RBFOX1: variants seen among roughly 807,000 people sequenced by gnomAD.
The protein encoded by RBFOX1 is RNA binding protein fox-1 homolog 1.
Under a neutral mutation model 57.7 loss-of-function variants are expected in RBFOX1, and 8 were observed. The observed-to-expected ratio is 0.14, with a 90% CI of 0.08 to 0.25. RBFOX1 has a LOEUF of 0.25. Among genes scored for constraint, RBFOX1 ranks in the 10% least tolerant of loss-of-function variants. RBFOX1 has a pLI of 1.00. For missense variants in RBFOX1, 611 were observed against 548.5 expected, an observed-to-expected ratio of 1.11 and a Z score of -1.14; for synonymous variants, 326 against 222.4, an observed-to-expected ratio of 1.47 and a Z score of -4.15.
intron 1 of RBFOX1, among the ~76,000 whole-genome samples, chr16:5,445,463 T>C (rs1567520988): frequency 6.6e-6 from 1 of 152,312 alleles, no homozygotes; most frequent in Non-Finnish European, 1.5e-5. Flanking sequence ...GTGCAATATA[T>C]AGTAGGTGAT....
intron 1 of RBFOX1, among the ~76,000 whole-genome samples, chr16:6,059,970 C>G (rs931862558): frequency 6.6e-6 from 1 of 152,072 alleles, no homozygotes; most frequent in Non-Finnish European, 1.5e-5. Flanking sequence ...GACATTCTGG[C>G]TCAGGAAGTG....
chr16:6,605,614 C>G (rs900063133), intron 2 of RBFOX1, among the ~76,000 whole-genome samples: 1 of 152,190 alleles, frequency 6.6e-6, no homozygotes, highest in East Asian at 1.9e-4. Context: ...GTAGTGACTT[C>G]AAGTACAGAG....
At chr16:6,333,480 C>T (rs1008132215) in intron 2 of RBFOX1, among the ~76,000 whole-genome samples, 2 of 152,240 alleles carry the variant, frequency 1.3e-5, no homozygotes, top group African/African-American at 4.8e-5. Context: ...TTTCAAATCT[C>T]CCTTTGTCAT....
At chr16:7,269,450 G>T (rs115021059) in intron 4 of RBFOX1, among the ~76,000 whole-genome samples, 2,220 of 152,214 alleles carry the variant, frequency 0.015, 49 homozygotes, top group African/African-American at 0.051. Context: ...GTGTGTGTAT[G>T]TGTGTTTGTG....
At chr16:7,467,803 C>G (rs1156429915) in intron 4 of RBFOX1, among the ~76,000 whole-genome samples, 1 of 152,206 alleles carries the variant, frequency 6.6e-6, no homozygotes, top group East Asian at 1.9e-4. Context: ...TTTGCCCTGC[C>G]TGACTTCAGT....
intron 2 of RBFOX1, among the ~76,000 whole-genome samples, chr16:6,526,978 AC>A (rs1217386059): frequency 6.6e-6 from 1 of 152,066 alleles, no homozygotes; most frequent in African/African-American, 2.4e-5. Context: ...CTGTGCATTC[AC>A]AGAAGAGAAA....
chr16:7,221,467 G>T (rs2092726852), intron 4 of RBFOX1, among the ~76,000 whole-genome samples: 1 of 151,876 alleles, frequency 6.6e-6, no homozygotes, highest in Non-Finnish European at 1.5e-5. Context: ...CCCAGGTTCA[G>T]GCGATTCTCC....
At chr16:6,124,303 G>T (rs1388631410) in intron 1 of RBFOX1, among the ~76,000 whole-genome samples, 1 of 152,166 alleles carries the variant, frequency 6.6e-6, no homozygotes, top group Non-Finnish European at 1.5e-5. Context: ...CCCTACAGAA[G>T]CTTGCAGTTA....
chr16:6,487,689 AAAAAAAAAAAAATATATATATATAT>A (rs2095523860), intron 2 of RBFOX1, among the ~76,000 whole-genome samples: 5 of 11,678 alleles, frequency 4.3e-4, no homozygotes, highest in African/African-American at 7.9e-4. Context: ...AAAAAAAAAA[AAAAAAAAAAAAATATATATATATAT>A]ATATATATAT....
chr16:7,525,547 G>C (rs992858731), intron 5 of RBFOX1, among the ~76,000 whole-genome samples: 2 of 152,152 alleles, frequency 1.3e-5, no homozygotes, highest in African/African-American at 4.8e-5. Context: ...CAGAACCTAA[G>C]AAGGCCTGAC....
intron 4 of RBFOX1, among the ~76,000 whole-genome samples, chr16:7,249,651 C>T (rs1471744572): frequency 2.0e-5 from 3 of 150,036 alleles, no homozygotes; most frequent in Non-Finnish European, 4.4e-5. Context: ...AGAATAAAAT[C>T]ATTGAATGGG....
chr16:6,345,169 T>C (rs1320558114), intron 2 of RBFOX1, among the ~76,000 whole-genome samples: 3 of 152,208 alleles, frequency 2.0e-5, no homozygotes, highest in Admixed American at 6.5e-5. Context: ...TGCTGCAGAG[T>C]AGATGAATCC....
intron 3 of RBFOX1, among the ~76,000 whole-genome samples, chr16:6,963,770 C>G (rs1252529340): frequency 6.6e-6 from 1 of 152,000 alleles, no homozygotes; most frequent in African/African-American, 2.4e-5. Flanking sequence ...GCGATCTCGG[C>G]TCACTGCAAG....
intron 3 of RBFOX1, among the ~76,000 whole-genome samples, chr16:5,828,993 G>A (rs534877415): frequency 6.6e-6 from 1 of 152,334 alleles, no homozygotes; most frequent in South Asian, 2.1e-4. Context: ...TGCAGTTGAA[G>A]TGTATTGCTA....
At chr16:5,418,651 C>T (rs987532957) in intron 1 of RBFOX1, among the ~76,000 whole-genome samples, 2 of 152,100 alleles carry the variant, frequency 1.3e-5, no homozygotes, top group African/African-American at 2.4e-5. Context: ...CCCTTGTCCT[C>T]GCTCCTCTCT....
At chr16:7,550,582 TAACA>T (rs1397742205) in intron 5 of RBFOX1, among the ~76,000 whole-genome samples, 1 of 152,150 alleles carries the variant, frequency 6.6e-6, no homozygotes, top group Non-Finnish European at 1.5e-5. Context: ...CTTTTCATAT[TAACA>T]AACAGTGCTC....
At chr16:7,264,396 C>T (rs556594864) in intron 4 of RBFOX1, among the ~76,000 whole-genome samples, 1 of 152,298 alleles carries the variant, frequency 6.6e-6, no homozygotes, top group East Asian at 1.9e-4. Context: ...CAGTCATCTC[C>T]AGCTTACAAC....
At chr16:5,289,385 C>T (rs2063480231) in intron 1 of RBFOX1, 3 of 383,460 alleles carry the variant, frequency 7.8e-6, no homozygotes, top group South Asian at 3.6e-5. Context: ...ATGGGAGGGC[C>T]CCCATATGGG....
At chr16:5,938,826 C>G (rs750209534) in intron 4 of RBFOX1, among the ~76,000 whole-genome samples, 1 of 152,070 alleles carries the variant, frequency 6.6e-6, no homozygotes. Context: ...CTCAGCTGAG[C>G]CTAGCCCAAA....
Sources: gnomAD v4.1 joint callset for allele counts (sites outside exome capture counted in the v4.1 genomes callset) on GRCh38, gnomAD v4.1.1 for gene constraint, MANE v1.5 for transcripts, NCBI Gene and HGNC (gene_info 2026-07-23, HGNC 2026-07-21) for gene names.